CDH12: variants seen among roughly 807,000 people sequenced by gnomAD.
The protein encoded by CDH12 is cadherin 12, also known as cadherin-12.
Under a neutral mutation model 74.1 loss-of-function variants are expected in CDH12, and 41 were observed. The ratio of observed to expected loss-of-function variants is 0.55; its 90% CI spans 0.43 to 0.72. The LOEUF is 0.72. CDH12 is among the 30% of genes least tolerant of loss of function. The pLI is 0.00. For synonymous variants in CDH12, 399 were observed against 355.0 expected, an observed-to-expected ratio of 1.12 and a Z score of -1.39; for missense variants, 945 against 977.2, an observed-to-expected ratio of 0.97 and a Z score of 0.44.
intron 3 of CDH12, among the ~76,000 whole-genome samples, chr5:22,274,294 A>ACAATAC (rs1736526362): frequency 6.6e-6 from 1 of 152,152 alleles, no homozygotes; most frequent in Non-Finnish European, 1.5e-5. Flanking sequence ...AGACAATTGT[A>ACAATAC]AAAATACAAA....
At chr5:22,369,359 G>GA (rs146412527) in intron 3 of CDH12, among the ~76,000 whole-genome samples, 7 of 151,256 alleles carry the variant, frequency 4.6e-5, no homozygotes, top group South Asian at 2.1e-4. Flanking sequence ...TAATAACTCA[G>GA]AAAAAAAATA....
At chr5:22,165,793 A>T (rs565393009) in intron 4 of CDH12, among the ~76,000 whole-genome samples, 277 of 152,298 alleles carry the variant, frequency 1.8e-3, no homozygotes, top group African/African-American at 6.4e-3. Flanking sequence ...CAAAACCAAG[A>T]TGGCGAGGAG....
chr5:22,831,768 A>G (rs1736625421), intron 1 of CDH12, among the ~76,000 whole-genome samples: 1 of 151,754 alleles, frequency 6.6e-6, no homozygotes, highest in Non-Finnish European at 1.5e-5. Context: ...CGCGGTGGCG[A>G]GCGCCTGTAA....
At chr5:22,201,843 A>G (rs72742022) in intron 4 of CDH12, among the ~76,000 whole-genome samples, 2 of 152,110 alleles carry the variant, frequency 1.3e-5, no homozygotes, top group African/African-American at 2.4e-5. Context: ...CGCGGCCATA[A>G]GGCAAGTGAC....
At chr5:22,488,785 A>C (rs1431702141) in intron 2 of CDH12, among the ~76,000 whole-genome samples, 1 of 151,904 alleles carries the variant, frequency 6.6e-6, no homozygotes, top group Non-Finnish European at 1.5e-5. Flanking sequence ...AGAAATCACA[A>C]AGGTTTCCAT....
At chr5:22,220,999 CACACACACAG>C (rs1034659137) in intron 3 of CDH12, among the ~76,000 whole-genome samples, 84 of 151,738 alleles carry the variant, frequency 5.5e-4, no homozygotes, top group Admixed American at 2.0e-3. Flanking sequence ...AATACACACA[CACACACACAG>C]ACACACACAG....
intron 4 of CDH12, among the ~76,000 whole-genome samples, chr5:22,107,945 T>C (rs1744582111): frequency 6.6e-6 from 1 of 152,188 alleles, no homozygotes; most frequent in South Asian, 2.1e-4. Context: ...GAACTAAATT[T>C]ACATGCAGCA....
intron 6 of CDH12, among the ~76,000 whole-genome samples, chr5:21,870,014 G>C (rs1010006288): frequency 2.0e-5 from 3 of 152,108 alleles, no homozygotes; most frequent in Non-Finnish European, 4.4e-5. Context: ...TCTTCTGGTG[G>C]TAAATGAGTC....
At chr5:21,870,951 C>A (rs1265714645) in intron 6 of CDH12, among the ~76,000 whole-genome samples, 1 of 152,140 alleles carries the variant, frequency 6.6e-6, no homozygotes, top group African/African-American at 2.4e-5. Context: ...AGGCTGGTTT[C>A]ACACTCCTAG....
intron 6 of CDH12, among the ~76,000 whole-genome samples, chr5:21,967,442 T>C (rs970536675): frequency 6.6e-6 from 1 of 152,178 alleles, no homozygotes; most frequent in Non-Finnish European, 1.5e-5. Flanking sequence ...TTACAACCAC[T>C]TGGAGGCTGG....
chr5:22,335,560 G>T (rs994937952), intron 3 of CDH12, among the ~76,000 whole-genome samples: 1 of 151,852 alleles, frequency 6.6e-6, no homozygotes, highest in South Asian at 2.1e-4. Flanking sequence ...ACTCCAGGCT[G>T]GGTGACAGAG....
At chr5:22,685,947 G>T (rs191053584) in intron 1 of CDH12, among the ~76,000 whole-genome samples, 1 of 152,224 alleles carries the variant, frequency 6.6e-6, no homozygotes, top group East Asian at 1.9e-4. Context: ...AGTAATTATA[G>T]TTGGCATATT....
At chr5:22,734,098 C>T (rs1255299002) in intron 1 of CDH12, among the ~76,000 whole-genome samples, 2 of 151,960 alleles carry the variant, frequency 1.3e-5, no homozygotes, top group South Asian at 2.1e-4. Flanking sequence ...TACATTGTGT[C>T]TTAGTTTCTT....
intron 1 of CDH12, among the ~76,000 whole-genome samples, chr5:22,770,702 G>A (rs1746759625): frequency 6.6e-6 from 1 of 152,020 alleles, no homozygotes; most frequent in Non-Finnish European, 1.5e-5. Flanking sequence ...ATTGTATTTT[G>A]TAGTGTTATT....
intron 1 of CDH12, among the ~76,000 whole-genome samples, chr5:22,770,448 G>T (rs11955287): frequency 0.48 from 72,571 of 151,844 alleles, 17,465 homozygotes; most frequent in East Asian, 0.55. Flanking sequence ...TGAGTTTTTT[G>T]GTCCATTACA....
At chr5:22,184,794 C>G (rs578076132) in intron 4 of CDH12, among the ~76,000 whole-genome samples, 20 of 152,272 alleles carry the variant, frequency 1.3e-4, no homozygotes, top group Non-Finnish European at 2.4e-4. Flanking sequence ...CTCTTCATTT[C>G]TCCATGTGGA....
intron 6 of CDH12, among the ~76,000 whole-genome samples, chr5:21,957,853 C>T (rs1487153191): frequency 6.6e-6 from 1 of 152,024 alleles, no homozygotes; most frequent in East Asian, 1.9e-4. Flanking sequence ...TAGTTTCTCC[C>T]ATTCTGTAGG....
At chr5:22,013,624 T>A (rs1204352240) in intron 5 of CDH12, among the ~76,000 whole-genome samples, 2 of 152,324 alleles carry the variant, frequency 1.3e-5, no homozygotes, top group East Asian at 3.9e-4. Flanking sequence ...CAGCTCATAC[T>A]GGCTGTGGTG....
chr5:22,091,834 TGTG>T (rs1743452526), intron 4 of CDH12, among the ~76,000 whole-genome samples: 1 of 151,864 alleles, frequency 6.6e-6, no homozygotes, highest in Non-Finnish European at 1.5e-5. Context: ...AGCATGACAA[TGTG>T]GTACTGGCAT....
Sources: gnomAD v4.1 joint callset for allele counts (sites outside exome capture counted in the v4.1 genomes callset) on GRCh38, gnomAD v4.1.1 for gene constraint, MANE v1.5 for transcripts, NCBI Gene and HGNC (gene_info 2026-07-23, HGNC 2026-07-21) for gene names.